The following GOLM1 variants were observed in gnomAD, a reference collection of about 807,000 sequenced individuals.
GOLM1 encodes the protein epididymis luminal protein 46.
In GOLM1, 31 loss-of-function variants were observed where a neutral mutation model predicts 50.5. That is an observed-to-expected ratio of 0.61 (90% CI 0.46 to 0.83). The LOEUF (loss-of-function observed/expected upper bound fraction) is 0.83, where lower values mean the gene tolerates loss of function less well. GOLM1 is among the 40% of genes least tolerant of loss of function. GOLM1 has a pLI of 0.00. For synonymous variants in GOLM1, 178 were observed against 192.8 expected (o/e 0.92, Z 0.64); for missense variants, 491 against 501.3 (o/e 0.98, Z 0.20).
intron 2 of GOLM1, among the ~76,000 whole-genome samples, chr9:86,078,414 C>A (rs985316357): frequency 2.0e-5 from 3 of 152,096 alleles, no homozygotes; most frequent in Admixed American, 1.3e-4. Context: ...GGATGGAAAT[C>A]GCCCCCAGAG....
At chr9:86,036,014 G>A (rs1326987520) in intron 7 of GOLM1, among the ~76,000 whole-genome samples, 1 of 152,154 alleles carries the variant, frequency 6.6e-6, no homozygotes, top group Non-Finnish European at 1.5e-5. Context: ...GGCCCACCCA[G>A]GGCTTGCTCA....
intron 3 of GOLM1, among the ~76,000 whole-genome samples, chr9:86,070,164 T>G (rs553730195): frequency 2.0e-5 from 3 of 152,192 alleles, no homozygotes; most frequent in Admixed American, 1.3e-4. Context: ...ATTACAGGCG[T>G]GAGCCACCGT....
At chr9:86,080,890 TTTTG>T (rs1356748511) in intron 1 of GOLM1, among the ~76,000 whole-genome samples, 1 of 152,114 alleles carries the variant, frequency 6.6e-6, no homozygotes, top group Non-Finnish European at 1.5e-5. Context: ...TTTTTAAAAT[TTTTG>T]TTTATTTATT....
intron 6 of GOLM1, 47 bp from the exon 7 acceptor site, chr9:86,036,554 C>G (rs777035881): frequency 6.3e-7 from 1 of 1,594,004 alleles, no homozygotes; most frequent in South Asian, 1.1e-5. Flanking sequence ...GCTCTGTGAA[C>G]AGAAGCCGTA....
rs540669397 is a variant in GOLM1, at chr9:86,087,581, T to C, written c.-21-8240A>G. 1.5e-4 allele frequency among the ~76,000 whole-genome samples: 23 copies of C among 152,264 alleles called. 1 individual carries two copies. The highest frequency in any genetic ancestry group is 1.5e-3 in the Admixed American group (23 of 15,280). Reference sequence around the variant, plus strand: ...AGTATGATACTGGCTGTGGGTTTGTTGTAAATAGCTCTTATTATTTTGAGA... The same window carrying C: ...AGTATGATACTGGCTGTGGGTTTGTCGTAAATAGCTCTTATTATTTTGAGA... On this transcript the variant is annotated intron_variant, in intron 1 of 9. Transcript: ENST00000388712.
intron 3 of GOLM1, among the ~76,000 whole-genome samples, chr9:86,058,680 A>T (rs1285807642): frequency 7.5e-6 from 1 of 133,662 alleles, no homozygotes; most frequent in Non-Finnish European, 1.5e-5. Flanking sequence ...TGGGCAACAG[A>T]GCAAGACTCT....
rs747483201 is a variant in GOLM1 at position 86,064,734 on chromosome 9, C to T, written c.310-12143G>A. Among the ~76,000 whole-genome samples, 5 of 152,202 alleles carry T rather than the reference C, an allele frequency of 3.3e-5. No individual in the cohort carries two copies. In the East Asian group the frequency reaches 5.8e-4, roughly 18 times the overall value. On this transcript the variant is annotated intron_variant, in intron 3 of 9. Transcript: ENST00000388712. ...CACACTCTGCTCGGGCCCAGCCACT[C>T]GCAGTTCCCTAGGCACCCTTCCAGG...
chr9:86,085,673 T>C (rs1264797197), intron 1 of GOLM1, among the ~76,000 whole-genome samples: 1 of 152,114 alleles, frequency 6.6e-6, no homozygotes, highest in Non-Finnish European at 1.5e-5. Flanking sequence ...GATGTTTCCC[T>C]CCCTGTGTCC....
At chr9:86,034,453 G>C (rs143832673) in intron 8 of GOLM1, among the ~76,000 whole-genome samples, 1 of 152,226 alleles carries the variant, frequency 6.6e-6, no homozygotes, top group Non-Finnish European at 1.5e-5. Context: ...CCTTTGTTAC[G>C]CTTTGTGACC....
intron 3 of GOLM1, among the ~76,000 whole-genome samples, chr9:86,056,375 A>G (rs1833986383): frequency 6.6e-6 from 1 of 151,646 alleles, no homozygotes; most frequent in African/African-American, 2.4e-5. Context: ...TTATATTTAT[A>G]GAAATTTTGT....
chr9:86,067,086 C>T (rs1834328989), intron 3 of GOLM1, among the ~76,000 whole-genome samples: 1 of 152,208 alleles, frequency 6.6e-6, no homozygotes. Context: ...CAGGCATGCA[C>T]CACCACACCC....
intron 7 of GOLM1, among the ~76,000 whole-genome samples, chr9:86,035,886 A>AAAAAAAAAAAAAAAAAC (rs1833123485): frequency 6.7e-6 from 1 of 148,644 alleles, no homozygotes; most frequent in Non-Finnish European, 1.5e-5. Flanking sequence ...AACAAAACAA[A>AAAAAAAAAAAAAAAAAC]AAAAAAAAAA....
Position 86,067,734 on chromosome 9 carries a change from G to C in GOLM1, c.309+9678C>G, listed in dbSNP as rs566749194. Among the ~76,000 whole-genome samples the C allele has an allele frequency of 8.5e-5, 13 of 152,350 alleles. No individual in the cohort carries two copies. In the East Asian group the frequency reaches 2.3e-3, roughly 27 times the overall value. On this transcript the variant is annotated intron_variant, in intron 3 of 9. Transcript: ENST00000388712. ...AGAAACAGGGTTGGCCGGGCGCAGTGGCTCATGCCTGTAATCCCAGCACTT... is the reference window on the plus strand; with the variant it reads ...AGAAACAGGGTTGGCCGGGCGCAGTCGCTCATGCCTGTAATCCCAGCACTT...
chr9:86,065,745 A>C (rs1246785681), intron 3 of GOLM1, among the ~76,000 whole-genome samples: 1 of 152,164 alleles, frequency 6.6e-6, no homozygotes, highest in Non-Finnish European at 1.5e-5. Context: ...TTAGAAATTA[A>C]ATATGTTCAT....
chr9:86,098,963 C>A (rs1185464473), intron 1 of GOLM1, among the ~76,000 whole-genome samples: 1 of 152,216 alleles, frequency 6.6e-6, no homozygotes, highest in Non-Finnish European at 1.5e-5. Flanking sequence ...GCGGCGGGAG[C>A]CGAGAGACTC....
intron 1 of GOLM1, among the ~76,000 whole-genome samples, chr9:86,081,498 C>A (rs114214050): frequency 0.021 from 3,179 of 152,104 alleles, 115 homozygotes; most frequent in African/African-American, 0.072. Context: ...GCCCAGCTAA[C>A]CTTGTTTTTA....
At chr9:86,096,404 A>G (rs1835357091) in intron 1 of GOLM1, among the ~76,000 whole-genome samples, 1 of 152,230 alleles carries the variant, frequency 6.6e-6, no homozygotes, top group Non-Finnish European at 1.5e-5. Context: ...CTTTTCAGAA[A>G]CAGGTTGCCA....
intron 3 of GOLM1, among the ~76,000 whole-genome samples, chr9:86,053,737 C>CT: frequency 1.3e-4 from 1 of 7,616 alleles, no homozygotes; most frequent in African/African-American, 2.5e-4. Flanking sequence ...CTCCACTCCA[C>CT]ACACACCACA....
chr9:86,032,594 G>A (rs912032208), intron 9 of GOLM1, among the ~76,000 whole-genome samples: 2 of 152,294 alleles, frequency 1.3e-5, no homozygotes, highest in East Asian at 3.9e-4. Context: ...ATGGCAGCAT[G>A]TAAAATGTCA....
Sources: allele counts gnomAD v4.1 joint callset (sites outside exome capture counted in the v4.1 genomes callset), GRCh38; gene constraint gnomAD v4.1.1; transcripts MANE v1.5; gene names NCBI Gene and HGNC (gene_info 2026-07-23, HGNC 2026-07-21).